MYT1L: variants seen among roughly 807,000 people sequenced by gnomAD.
MYT1L encodes the protein myelin transcription factor 1-like protein.
In MYT1L, 12 loss-of-function variants were observed where a neutral mutation model predicts 126.7. The ratio of observed to expected loss-of-function variants is 0.09; its 90% CI spans 0.06 to 0.15. The LOEUF (loss-of-function observed/expected upper bound fraction) is 0.15, where lower values mean the gene tolerates loss of function less well. Ranked by LOEUF, MYT1L falls within the 10% of genes least tolerant of loss-of-function variation. The pLI is 1.00. For missense variants in MYT1L, 979 were observed against 1,585.2 expected (o/e 0.62, Z 6.49); for synonymous variants, 541 against 604.2 (o/e 0.90, Z 1.53).
At chr2:2,177,542 A>C (rs1287571244) in intron 2 of MYT1L, among the ~76,000 whole-genome samples, 1 of 152,178 alleles carries the variant, frequency 6.6e-6, no homozygotes, top group African/African-American at 2.4e-5. Flanking sequence ...GAACTGCCTG[A>C]GACTCGGCAG....
chr2:2,299,555 T>TA lies in MYT1L; in HGVS notation c.-520-15053dup, dbSNP rs1028150975. On this transcript the variant is annotated intron_variant, in intron 1 of 24. Coordinates refer to ENST00000647738, the MANE Select transcript of MYT1L (RefSeq NM_001303052.2). ...GGGAAATTTGCTCCTTCACTCAAGA[T>TA]ACGCAACTAGAGGTTGCTGACATTC... 1.4e-4 allele frequency among the ~76,000 whole-genome samples: 22 copies of TA among 152,372 alleles called. 1 individual carries two copies. The highest frequency in any genetic ancestry group is 5.0e-4 in the African/African-American group (21 of 41,592).
At chr2:2,314,657 A>G (rs1573493853) in intron 1 of MYT1L, among the ~76,000 whole-genome samples, 1 of 152,336 alleles carries the variant, frequency 6.6e-6, no homozygotes, top group East Asian at 1.9e-4. Flanking sequence ...CTATCAACCC[A>G]TCACCTAAGT....
At chr2:2,205,554 T>C (rs924958648) in intron 2 of MYT1L, among the ~76,000 whole-genome samples, 3 of 152,234 alleles carry the variant, frequency 2.0e-5, no homozygotes, top group African/African-American at 7.2e-5. Flanking sequence ...TACTCATTCC[T>C]AGATTCCCAT....
intron 4 of MYT1L, among the ~76,000 whole-genome samples, chr2:2,044,468 T>G (rs2067925765): frequency 6.6e-6 from 1 of 152,158 alleles, no homozygotes; most frequent in African/African-American, 2.4e-5. Flanking sequence ...GTTCTGATCG[T>G]GGTACAATGG....
chr2:2,238,545 C>T (rs1298687420), intron 2 of MYT1L, among the ~76,000 whole-genome samples: 1 of 152,138 alleles, frequency 6.6e-6, no homozygotes, highest in East Asian at 1.9e-4. Context: ...CTGGGTGACA[C>T]CCGAGGAGAG....
At chr2:1,972,757 C>T (rs982714985) in intron 8 of MYT1L, among the ~76,000 whole-genome samples, 1 of 152,326 alleles carries the variant, frequency 6.6e-6, no homozygotes, top group East Asian at 1.9e-4. Flanking sequence ...AGGCAAGAGG[C>T]GTGCGGAATG....
intron 4 of MYT1L, among the ~76,000 whole-genome samples, chr2:2,014,196 G>GTTTTT (rs542058607): frequency 5.3e-4 from 72 of 137,140 alleles, no homozygotes; most frequent in South Asian, 4.3e-3. Context: ...CAGGAATCCT[G>GTTTTT]TTTTTTTTTT....
chr2:2,259,435 G>C (rs1018546063), intron 2 of MYT1L, among the ~76,000 whole-genome samples: 5 of 151,244 alleles, frequency 3.3e-5, no homozygotes. Context: ...ACTATGTGAG[G>C]TGATAGATGT....
At chr2:1,868,768 T>TCC (rs912954727) in intron 18 of MYT1L, among the ~76,000 whole-genome samples, 5 of 151,822 alleles carry the variant, frequency 3.3e-5, no homozygotes, top group Non-Finnish European at 7.4e-5. Context: ...GGCTCCCTCC[T>TCC]CCCCCCTCCT....
At chr2:2,130,468 G>A (rs539563438) in intron 3 of MYT1L, among the ~76,000 whole-genome samples, 14 of 152,250 alleles carry the variant, frequency 9.2e-5, no homozygotes, top group African/African-American at 2.6e-4. Flanking sequence ...AGGTGTCCAG[G>A]TGTGTGTGCA....
intron 11 of MYT1L, among the ~76,000 whole-genome samples, chr2:1,913,060 A>AAC (rs937504858): frequency 1.4e-4 from 22 of 152,302 alleles, no homozygotes; most frequent in African/African-American, 5.1e-4. Context: ...AGGCCAGGTG[A>AAC]ACATGGAAGG....
chr2:2,257,366 T>C (rs563857801), intron 2 of MYT1L, among the ~76,000 whole-genome samples: 1 of 152,260 alleles, frequency 6.6e-6, no homozygotes, highest in South Asian at 2.1e-4. Context: ...TTTTTCCAGG[T>C]TGGAGCCATA....
At chr2:2,128,711 T>C (rs1245248903) in intron 3 of MYT1L, among the ~76,000 whole-genome samples, 1 of 152,180 alleles carries the variant, frequency 6.6e-6, no homozygotes, top group Admixed American at 6.5e-5. Context: ...AAACATTCTA[T>C]ACCCATTTCA....
At chr2:2,031,283 A>G (rs2066213466) in intron 4 of MYT1L, among the ~76,000 whole-genome samples, 1 of 152,222 alleles carries the variant, frequency 6.6e-6, no homozygotes, top group African/African-American at 2.4e-5. Flanking sequence ...GGTGCTCAGG[A>G]TGGAGTGTCA....
intron 18 of MYT1L, among the ~76,000 whole-genome samples, chr2:1,875,428 A>C (rs887730967): frequency 2.0e-5 from 3 of 152,186 alleles, no homozygotes; most frequent in African/African-American, 7.2e-5. Flanking sequence ...CATACATTTT[A>C]AATGGTTGCT....
At chr2:1,933,977 T>A (rs938798061) in intron 9 of MYT1L, among the ~76,000 whole-genome samples, 1 of 144,780 alleles carries the variant, frequency 6.9e-6, no homozygotes, top group African/African-American at 2.6e-5. Flanking sequence ...TGATTTTTTT[T>A]TTTTTTTTTT....
intron 5 of MYT1L, among the ~76,000 whole-genome samples, chr2:1,987,601 G>T (rs988359295): frequency 6.6e-6 from 1 of 152,198 alleles, no homozygotes; most frequent in East Asian, 1.9e-4. Context: ...CTCTCCATCT[G>T]TTCCAAGCTG....
rs909134518 is a variant in MYT1L at position 2,228,190 on chromosome 2, G to C, written c.-420-55202C>G. Among the ~76,000 whole-genome samples the C allele has an allele frequency of 4.6e-5, 7 of 152,130 alleles. No individual in the cohort carries two copies. The highest frequency in any genetic ancestry group is 7.4e-5 in the Non-Finnish European group (5 of 68,022). ...TACCTACATAAAAGACAGGGCAAGG[G>C]GGTGATTCTGTAATATACATTTTGT... On this transcript the variant is annotated intron_variant, in intron 2 of 24. Coordinates refer to ENST00000647738, the MANE Select transcript of MYT1L (RefSeq NM_001303052.2). This position sits in a 1 kb window ranked among gnomAD's most constrained non-coding sequence, Gnocchi z 5.9.
At chr2:1,838,321 T>C (rs1027230081) in intron 21 of MYT1L, among the ~76,000 whole-genome samples, 2 of 152,216 alleles carry the variant, frequency 1.3e-5, no homozygotes, top group African/African-American at 4.8e-5. Flanking sequence ...CAGAGTCACC[T>C]ATTACTGAAC....
Sources: gnomAD v4.1 joint callset for allele counts (sites outside exome capture counted in the v4.1 genomes callset) on GRCh38, gnomAD v4.1.1 for gene constraint, Gnocchi (gnomAD v3.1) non-coding constraint, MANE v1.5 for transcripts, NCBI Gene and HGNC (gene_info 2026-07-23, HGNC 2026-07-21) for gene names.